KSR2: variants seen among roughly 807,000 people sequenced by gnomAD.
KSR2 encodes kinase suppressor of ras 2.
A neutral mutation model predicts 107.8 loss-of-function variants in KSR2; 25 were observed. That is an observed-to-expected ratio of 0.23 (90% CI 0.17 to 0.32). KSR2 has a LOEUF of 0.32. KSR2 is among the 10% of genes least tolerant of loss of function. The pLI, the probability that KSR2 is intolerant of heterozygous loss-of-function variation, is 1.00. For synonymous variants in KSR2, 480 were observed against 507.0 expected (o/e 0.95, Z 0.71); for missense variants, 887 against 1,268.9 (o/e 0.70, Z 4.57).
intron 14 of KSR2, among the ~76,000 whole-genome samples, chr12:117,511,806 T>G (rs1317964997): frequency 6.6e-6 from 1 of 152,188 alleles, no homozygotes; most frequent in Admixed American, 6.5e-5. Flanking sequence ...ATGATCAGTT[T>G]GGAAAACAAT....
chr12:117,892,399 C>T (rs2137361584), intron 1 of KSR2, among the ~76,000 whole-genome samples: 1 of 152,322 alleles, frequency 6.6e-6, no homozygotes, highest in South Asian at 2.1e-4. Context: ...GCTCTCACAA[C>T]ACATTATCTC....
At chr12:117,838,389 G>A (rs908086615) in intron 3 of KSR2, among the ~76,000 whole-genome samples, 3 of 152,124 alleles carry the variant, frequency 2.0e-5, no homozygotes, top group Non-Finnish European at 2.9e-5. Context: ...GACTGGTCTC[G>A]AACTCCTGAC....
At chr12:117,839,847 A>G (rs1892390316) in intron 3 of KSR2, among the ~76,000 whole-genome samples, 1 of 152,226 alleles carries the variant, frequency 6.6e-6, no homozygotes, top group Admixed American at 6.5e-5. Flanking sequence ...CTGCCCCACC[A>G]GGCATCAGCA....
chr12:117,649,273 G>A (rs1014793546), intron 5 of KSR2, among the ~76,000 whole-genome samples: 1 of 152,182 alleles, frequency 6.6e-6, no homozygotes, highest in African/African-American at 2.4e-5. Context: ...CAAGTTCACT[G>A]AGGTCAGGGA....
chr12:117,466,765 G>A lies in KSR2; in HGVS notation c.*434C>T. ...CAGAACTGAGGAGTGCCCCGTCATT[G>A]GGACAGTCTGGCTCTTGCTTGTCAA... On this transcript the variant is annotated 3_prime_UTR_variant, in exon 20 of 20. Transcript: ENST00000339824. 6.1e-6 allele frequency: 1 copy of A among 164,246 alleles called. No homozygotes were observed. Among genetic ancestry groups the A allele is most frequent in the South Asian group, 2.0e-4 (1 of 4,918 alleles). The allele number at this position is 164,246 out of a possible 1,614,324, so 10.2% of individuals were successfully genotyped here.
intron 1 of KSR2, among the ~76,000 whole-genome samples, chr12:117,957,020 G>T (rs1384442654): frequency 6.6e-6 from 1 of 152,158 alleles, no homozygotes; most frequent in African/African-American, 2.4e-5. Flanking sequence ...TAGTCACCAA[G>T]GAAAGCATTT....
chr12:117,652,928 T>C (rs567012030), intron 5 of KSR2, among the ~76,000 whole-genome samples: 3 of 152,346 alleles, frequency 2.0e-5, no homozygotes, highest in Admixed American at 6.5e-5. Context: ...ACTCAGCATC[T>C]GGCAGAACCC....
intron 16 of KSR2, among the ~76,000 whole-genome samples, chr12:117,477,337 G>C (rs1038830249): frequency 7.2e-5 from 11 of 152,274 alleles, no homozygotes; most frequent in African/African-American, 2.4e-4. Context: ...GTGTTGATTT[G>C]GGGGATTACA....
intron 16 of KSR2, 41 bp from the exon 17 acceptor site, chr12:117,476,636 C>G (rs1287923479): frequency 6.4e-7 from 1 of 1,574,276 alleles, no homozygotes; most frequent in Non-Finnish European, 8.6e-7. Context: ...TTTCATAGCC[C>G]AGGGTGGACC....
At position 117,648,583 on chromosome 12, in the gene KSR2, C is replaced by T. The variant is rs1331861817; in HGVS notation, c.1171+18891G>A. On this transcript the variant is annotated intron_variant, in intron 5 of 19. Coordinates refer to ENST00000339824, the MANE Select transcript of KSR2 (RefSeq NM_173598.6). The stretch of plus-strand genomic sequence containing the variant: ...ACAGAGCACAGTCTTGTGGATGGGA[C>T]AGACCATAATCCTTAACATTTCATT... Among the ~76,000 whole-genome samples, 7 of 152,324 alleles carry T rather than the reference C, an allele frequency of 4.6e-5. No individual in the cohort carries two copies. In the East Asian group the frequency reaches 1.4e-3, roughly 29 times the overall value.
chr12:117,853,646 A>AT (rs986974400), intron 3 of KSR2, among the ~76,000 whole-genome samples: 2 of 151,134 alleles, frequency 1.3e-5, no homozygotes, highest in Admixed American at 1.3e-4. Flanking sequence ...CTAGCCTGCA[A>AT]TTTTTTTTTA....
chr12:117,724,312 C>CAAAAAAA (rs57095721), intron 4 of KSR2, among the ~76,000 whole-genome samples: 2 of 111,934 alleles, frequency 1.8e-5, no homozygotes, highest in Non-Finnish European at 1.8e-5. Context: ...CACCCTGTCT[C>CAAAAAAA]AAAAAAAAAA....
At position 117,526,904 on chromosome 12, in the gene KSR2, A is replaced by T. The variant is rs115750303; in HGVS notation, c.1851+167T>A. ...ATGGCCCATTAGACTCAGTGCTGGG[A>T]GGGACCACTGCTTGCTAATTGTCCC... On this transcript the variant is annotated intron_variant, in intron 13 of 19. Transcript: ENST00000339824. 2.5e-3 allele frequency among the ~76,000 whole-genome samples: 381 copies of T among 152,238 alleles called. 3 individuals carry two copies. The highest frequency in any genetic ancestry group is 8.9e-3 in the African/African-American group (369 of 41,534).
chr12:117,495,915 G>A (rs1386730006), intron 14 of KSR2, among the ~76,000 whole-genome samples: 1 of 152,010 alleles, frequency 6.6e-6, no homozygotes, highest in African/African-American at 2.4e-5. Flanking sequence ...TTAGCCAGGC[G>A]TGGTTGTGTG....
chr12:117,957,866 C>T (rs1312535290), intron 1 of KSR2, among the ~76,000 whole-genome samples: 6 of 145,190 alleles, frequency 4.1e-5, no homozygotes, highest in Non-Finnish European at 3.0e-5. Flanking sequence ...GAGTCTCACT[C>T]TGTTGCCCAG....
intron 12 of KSR2, among the ~76,000 whole-genome samples, chr12:117,530,711 C>A (rs1206051169): frequency 6.6e-6 from 1 of 152,168 alleles, no homozygotes; most frequent in Non-Finnish European, 1.5e-5. Flanking sequence ...GGCATAGCTG[C>A]TCGTGAGGAA....
At chr12:117,923,679 G>T (rs984377455) in intron 1 of KSR2, among the ~76,000 whole-genome samples, 3 of 151,934 alleles carry the variant, frequency 2.0e-5, no homozygotes, top group African/African-American at 7.3e-5. Flanking sequence ...GTGTGTGTGT[G>T]TGTGTGTATG....
chr12:117,957,831 CTTTT>C (rs566320050), intron 1 of KSR2, among the ~76,000 whole-genome samples: 24 of 137,026 alleles, frequency 1.8e-4, no homozygotes, highest in Non-Finnish European at 1.5e-4. Context: ...GGCTGACCAC[CTTTT>C]TTTTTTTTTT....
chr12:117,600,380 G>A (rs1471411202), intron 5 of KSR2, among the ~76,000 whole-genome samples: 5 of 152,190 alleles, frequency 3.3e-5, no homozygotes, highest in South Asian at 4.1e-4. Context: ...GCAATCAGAC[G>A]TGTTTTCAGA....
Sources: allele counts gnomAD v4.1 joint callset (sites outside exome capture counted in the v4.1 genomes callset), GRCh38; gene constraint gnomAD v4.1.1; transcripts MANE v1.5; gene names NCBI Gene and HGNC (gene_info 2026-07-23, HGNC 2026-07-21).